The following MTHFD1L variants were observed in gnomAD, a reference collection of about 807,000 sequenced individuals.
The protein encoded by MTHFD1L is methylenetetrahydrofolate dehydrogenase (NADP+ dependent) 1 like, also known as monofunctional C1-tetrahydrofolate synthase, mitochondrial.
In MTHFD1L, 81 loss-of-function variants were observed where a neutral mutation model predicts 119.5. That is an observed-to-expected ratio of 0.68 (90% confidence interval 0.57 to 0.82). The LOEUF is 0.82. Ranked by LOEUF, MTHFD1L falls within the 40% of genes least tolerant of loss-of-function variation. The probability of loss-of-function intolerance (pLI) is 0.00; values close to 1 mark genes in which losing one functional copy is unlikely to be tolerated. For missense variants in MTHFD1L, 1,125 were observed against 1,253.4 expected (o/e 0.90, Z 1.55); for synonymous variants, 430 against 475.2 (o/e 0.90, Z 1.24).
At position 150,876,079 on chromosome 6, in the gene MTHFD1L, T is replaced by C. The variant is rs753632614; in HGVS notation, c.228-11T>C. On this transcript the variant is annotated splice_polypyrimidine_tract_variant and intron_variant, in intron 1 of 27. Coordinates refer to ENST00000367321, the MANE Select transcript of MTHFD1L (RefSeq NM_015440.5). Reference sequence around the variant, plus strand: ...CAAGAAATCACAATGTTGTTTTCTTTCTCAATGTAGAGAAGTCATTCAGAA... The same window carrying C: ...CAAGAAATCACAATGTTGTTTTCTTCCTCAATGTAGAGAAGTCATTCAGAA... 2 of 1,579,256 alleles carry C rather than the reference T, an allele frequency of 1.3e-6. No individual in the cohort carries two copies. Among genetic ancestry groups the C allele is most frequent in the Admixed American group, 1.7e-5 (1 of 58,452 alleles).
intron 19 of MTHFD1L, among the ~76,000 whole-genome samples, chr6:150,970,748 G>A (rs577787343): frequency 8.5e-5 from 13 of 152,290 alleles, no homozygotes; most frequent in Admixed American, 5.9e-4. Flanking sequence ...TAAGCAACAT[G>A]TTTAATTTGA....
intron 26 of MTHFD1L, among the ~76,000 whole-genome samples, chr6:151,051,598 C>A (rs1789048467): frequency 6.6e-6 from 1 of 152,154 alleles, no homozygotes; most frequent in Non-Finnish European, 1.5e-5. Context: ...CAGGGCCGTG[C>A]ATGCTGAGCA....
chr6:151,022,672 C>T (rs1003148170), intron 24 of MTHFD1L, among the ~76,000 whole-genome samples: 5 of 152,160 alleles, frequency 3.3e-5, no homozygotes, highest in African/African-American at 1.2e-4. Context: ...TGACCTCCCC[C>T]GGCTCTCCCT....
chr6:150,940,201 G>A (rs1792856780), intron 13 of MTHFD1L, among the ~76,000 whole-genome samples: 1 of 152,148 alleles, frequency 6.6e-6, no homozygotes, highest in Admixed American at 6.5e-5. Context: ...ATTGAGCAGA[G>A]TGCCCAGCAC....
At position 150,932,305 on chromosome 6, in the gene MTHFD1L, G is replaced by A. The variant is rs1303208880; in HGVS notation, c.1257-4499G>A. Among the ~76,000 whole-genome samples the A allele has an allele frequency of 3.3e-5, 5 of 152,032 alleles. No individual in the cohort carries two copies. In the East Asian group the frequency reaches 7.7e-4, roughly 23 times the overall value. ...AACAAGTGTGTGGCCTGGTAGGCGA[G>A]ACAGGCATGTCAGAATGCTTATCAT... is the stretch of plus-strand genomic sequence containing the variant. On this transcript the variant is annotated intron_variant, in intron 11 of 27. Coordinates refer to ENST00000367321, the MANE Select transcript of MTHFD1L (RefSeq NM_015440.5).
chr6:150,983,257 G>T (rs1777805187), intron 20 of MTHFD1L, among the ~76,000 whole-genome samples: 1 of 146,678 alleles, frequency 6.8e-6, no homozygotes, highest in South Asian at 2.1e-4. Flanking sequence ...ACCTTTTCTT[G>T]TCCACCCTTT....
chr6:151,023,291 TC>T (rs1392422277), intron 24 of MTHFD1L, among the ~76,000 whole-genome samples: 1 of 151,948 alleles, frequency 6.6e-6, no homozygotes, highest in Non-Finnish European at 1.5e-5. Context: ...AAGTGATCTG[TC>T]CTCCTCAGCC....
rs1786008489 is a variant in MTHFD1L, at chr6:151,035,344, A to T, written c.2694+744A>T. ...TAGATAGCAGTCAGAACACTTTAAG[A>T]GCCTGCTGGCTAAAGAACTTCATGA... On this transcript the variant is annotated intron_variant, in intron 25 of 27. Coordinates refer to ENST00000367321, the MANE Select transcript of MTHFD1L (RefSeq NM_015440.5). Among the ~76,000 whole-genome samples, 3 of 152,192 alleles carry T rather than the reference A, an allele frequency of 2.0e-5. No individual in the cohort carries two copies. In the South Asian group the frequency reaches 6.2e-4, roughly 31 times the overall value.
chr6:151,029,830 A>G (rs1224032300), intron 24 of MTHFD1L, among the ~76,000 whole-genome samples: 1 of 152,168 alleles, frequency 6.6e-6, no homozygotes, highest in Non-Finnish European at 1.5e-5. Flanking sequence ...TCAGCCATCC[A>G]CTCGCATCAA....
intron 7 of MTHFD1L, among the ~76,000 whole-genome samples, chr6:150,890,420 G>A (rs1783054144): frequency 6.6e-6 from 1 of 152,120 alleles, no homozygotes; most frequent in Non-Finnish European, 1.5e-5. Context: ...GACAGGGGCA[G>A]GATTTCGCCT....
At chr6:151,089,202 A>G (rs1794138638) in intron 26 of MTHFD1L, among the ~76,000 whole-genome samples, 1 of 152,222 alleles carries the variant, frequency 6.6e-6, no homozygotes, top group South Asian at 2.1e-4. Flanking sequence ...GGGGTGGGGC[A>G]GCATCAGTGT....
chr6:151,073,416 A>C (rs954163835), intron 26 of MTHFD1L, among the ~76,000 whole-genome samples: 2 of 152,198 alleles, frequency 1.3e-5, no homozygotes, highest in African/African-American at 4.8e-5. Context: ...TGGTTAGAAT[A>C]CTAAGAAGGG....
intron 11 of MTHFD1L, chr6:150,935,194 A>T: frequency 1.2e-6 from 2 of 1,612,014 alleles, no homozygotes; most frequent in Non-Finnish European, 1.7e-6. Context: ...TCTGGGATGT[A>T]GGTGGTCAGG....
In MTHFD1L at chr6:150,875,979, T is replaced by C. The variant is rs150893058; in HGVS notation, c.228-111T>C. The C allele has an allele frequency of 1.2e-3, 979 of 829,622 alleles. 8 individuals are homozygous for C. Among genetic ancestry groups the C allele is most frequent in the African/African-American group, 0.011 (621 of 58,574 alleles). 51.4% of individuals were successfully genotyped at this position (829,622 alleles called of 1,614,324 possible). Reference sequence around the variant, plus strand: ...TGTACACTTGGAGTGCGTCCTTCTGTGGTCTAGTTATTTTCACTTGGAGGA... The same window carrying C: ...TGTACACTTGGAGTGCGTCCTTCTGCGGTCTAGTTATTTTCACTTGGAGGA... On this transcript the variant is annotated intron_variant, in intron 1 of 27. Transcript: ENST00000367321.
At position 151,039,785 on chromosome 6, in the gene MTHFD1L, G is replaced by T. The variant is rs1786780412; in HGVS notation, c.2847+2668G>T. On this transcript the variant is annotated intron_variant, in intron 26 of 27. Transcript: ENST00000367321. This position sits in a 1 kb window ranked among gnomAD's most constrained non-coding sequence, Gnocchi z 4.4. Reference sequence around the variant, plus strand: ...CAAAAATTTGCCGGGCGGGGTGGTGGGCACCTATAATCCCAGCTGCTCAGG... The same window carrying T: ...CAAAAATTTGCCGGGCGGGGTGGTGTGCACCTATAATCCCAGCTGCTCAGG... 6.6e-6 allele frequency among the ~76,000 whole-genome samples: 1 copy of T among 152,010 alleles called. No individual in the cohort carries two copies. The highest frequency in any genetic ancestry group is 1.5e-5 in the Non-Finnish European group (1 of 68,006).
chr6:150,923,617 C>G lies in MTHFD1L; in HGVS notation c.1082+1315C>G, dbSNP rs533120302. Among the ~76,000 whole-genome samples the G allele has an allele frequency of 1.1e-3, 163 of 145,172 alleles. 1 individual carries two copies. The highest frequency in any genetic ancestry group is 9.9e-3 in the Admixed American group (141 of 14,290). ...CTCTTGACCTCAGGTGTTCCACCTG[C>G]CTCGGCCTACCAAAGTGCTGGGATT... On this transcript the variant is annotated intron_variant, in intron 10 of 27. Transcript: ENST00000367321.
At chr6:151,019,183 G>C (rs1783580911) in intron 24 of MTHFD1L, among the ~76,000 whole-genome samples, 1 of 122,818 alleles carries the variant, frequency 8.1e-6, no homozygotes, top group Non-Finnish European at 1.9e-5. Context: ...CCACTGTAGG[G>C]AGAGTCACCC....
At chr6:150,876,974 C>T (rs767832812) in intron 2 of MTHFD1L, among the ~76,000 whole-genome samples, 19 of 152,284 alleles carry the variant, frequency 1.2e-4, no homozygotes, top group Middle Eastern at 3.4e-3. Context: ...GATTAGGGCT[C>T]GGGCCTCCTG....
chr6:150,882,603 T>G (rs1264615133), intron 4 of MTHFD1L, among the ~76,000 whole-genome samples, 159 bp from the exon 5 acceptor site: 1 of 152,216 alleles, frequency 6.6e-6, no homozygotes, highest in Non-Finnish European at 1.5e-5. Flanking sequence ...AAAAATAGGC[T>G]TTTTATTATG....
Sources: gnomAD v4.1 joint callset for allele counts (sites outside exome capture counted in the v4.1 genomes callset) on GRCh38, gnomAD v4.1.1 for gene constraint, Gnocchi (gnomAD v3.1) non-coding constraint, MANE v1.5 for transcripts, NCBI Gene and HGNC (gene_info 2026-07-23, HGNC 2026-07-21) for gene names.